ULK4: variants seen among roughly 807,000 people sequenced by gnomAD.
ULK4 encodes the protein inactive serine/threonine-protein kinase ULK4.
A neutral mutation model predicts 160.6 loss-of-function variants in ULK4; 133 were observed. The ratio of observed to expected loss-of-function variants is 0.83; its 90% CI spans 0.72 to 0.96. The LOEUF is 0.96. Among genes scored for constraint, ULK4 ranks in the 40% least tolerant of loss-of-function variants. ULK4 has a pLI of 0.00. For missense variants in ULK4, 1,580 were observed against 1,499.5 expected, an observed-to-expected ratio of 1.05 and a Z score of -0.89; for synonymous variants, 534 against 539.8, an observed-to-expected ratio of 0.99 and a Z score of 0.15.
intron 30 of ULK4, among the ~76,000 whole-genome samples, chr3:41,634,344 C>T (rs2033867650): frequency 1.3e-5 from 2 of 152,166 alleles, no homozygotes; most frequent in South Asian, 2.1e-4. Context: ...CTGAAGCATC[C>T]CCTAGTTCTT....
intron 31 of ULK4, among the ~76,000 whole-genome samples, chr3:41,570,309 G>T (rs2087926791): frequency 1.3e-5 from 2 of 152,180 alleles, no homozygotes; most frequent in Admixed American, 6.5e-5. Flanking sequence ...GAACGTTAAT[G>T]TTTTAATGTT....
intron 31 of ULK4, among the ~76,000 whole-genome samples, chr3:41,613,517 A>G (rs1333008614): frequency 1.6e-5 from 1 of 63,590 alleles, no homozygotes. Context: ...TTAAAATCTG[A>G]AAAAAAAAAA....
intron 35 of ULK4, among the ~76,000 whole-genome samples, chr3:41,336,719 A>T (rs2080565486): frequency 6.6e-6 from 1 of 152,176 alleles, no homozygotes; most frequent in African/African-American, 2.4e-5. Flanking sequence ...CATTTCCACA[A>T]AGCCTGGGAT....
intron 34 of ULK4, among the ~76,000 whole-genome samples, chr3:41,411,070 A>G (rs992533359): frequency 2.0e-5 from 3 of 152,250 alleles, no homozygotes; most frequent in Non-Finnish European, 4.4e-5. Flanking sequence ...ACACAAGATC[A>G]TCTCAATAGA....
chr3:41,643,127 C>T (rs1437312428), intron 30 of ULK4, among the ~76,000 whole-genome samples: 3 of 152,026 alleles, frequency 2.0e-5, no homozygotes, highest in East Asian at 3.9e-4. Flanking sequence ...AAAATTTTCT[C>T]CCATTTTGTA....
chr3:41,854,796 T>C lies in ULK4; in HGVS notation c.1657-18825A>G, dbSNP rs2125676897. The C allele has an allele frequency of 2.0e-5, 3 of 152,074 alleles. No homozygotes were observed. The Middle Eastern group carries it at 0.01, about 517-fold the overall frequency. The allele number at this position is 152,074 out of a possible 1,614,324, so 9.4% of individuals were successfully genotyped here. A position where few individuals can be genotyped will look rare whatever the true frequency, so the allele number is the denominator to read the frequency against. ...CAGGGAGTCTTCAGCATTTATCATG[T>C]GACTGAGCACTGAAGAAATGGAATT... On this transcript the variant is annotated intron_variant, in intron 17 of 36. Transcript: ENST00000301831.
At chr3:41,961,990 C>G (rs998152036) in intron 1 of ULK4, 26 bp downstream of exon 1, 2 of 152,456 alleles carry the variant, frequency 1.3e-5, no homozygotes. Flanking sequence ...AGACTCGTAG[C>G]TACTAAAACC....
rs1469896249 is a variant in ULK4, at chr3:41,623,240, C to T, written c.3072-7523G>A. Among the ~76,000 whole-genome samples the T allele has an allele frequency of 1.3e-5, 2 of 152,042 alleles. 1 individual carries two copies. Among genetic ancestry groups the T allele is most frequent in the Middle Eastern group, 6.3e-3 (2 of 316 alleles). On this transcript the variant is annotated intron_variant, in intron 30 of 36. Coordinates refer to ENST00000301831, the MANE Select transcript of ULK4 (RefSeq NM_017886.4). ...GAAAGGGAATTTTAACATCTGGCCT[C>T]CCAGGAGCTTATTTGTCTATGATAA...
At chr3:41,674,985 T>A (rs1243463968) in intron 29 of ULK4, among the ~76,000 whole-genome samples, 1 of 152,194 alleles carries the variant, frequency 6.6e-6, no homozygotes, top group Non-Finnish European at 1.5e-5. Flanking sequence ...CTCACGCCTG[T>A]AATCTCAGCA....
At chr3:41,370,471 G>A (rs1387579393) in intron 35 of ULK4, among the ~76,000 whole-genome samples, 1 of 152,172 alleles carries the variant, frequency 6.6e-6, no homozygotes, top group Admixed American at 6.6e-5. Context: ...CACTGGGACT[G>A]GTTAACTGGT....
Position 41,795,265 on chromosome 3 carries a change from AT to A in ULK4, c.2010+4866del, listed in dbSNP as rs537435729. ...TAAATCTATTAACCGTGCAGGTGCA[AT>A]TTTTTTTGTTAAGATTATGATGTTA... On this transcript the variant is annotated intron_variant, in intron 20 of 36. Coordinates refer to ENST00000301831, the MANE Select transcript of ULK4 (RefSeq NM_017886.4). Among the ~76,000 whole-genome samples, 19 of 152,042 alleles carry A rather than the reference AT, an allele frequency of 1.2e-4. No individual in the cohort carries two copies. The East Asian group carries it at 1.7e-3, about 14-fold the overall frequency.
intron 35 of ULK4, among the ~76,000 whole-genome samples, chr3:41,281,347 A>C (rs996681162): frequency 6.6e-6 from 1 of 152,174 alleles, no homozygotes; most frequent in African/African-American, 2.4e-5. Context: ...GAGACACACA[A>C]AAAAAGAAAA....
chr3:41,289,412 C>T (rs140202581), intron 35 of ULK4, among the ~76,000 whole-genome samples: 2 of 152,326 alleles, frequency 1.3e-5, no homozygotes, highest in South Asian at 2.1e-4. Context: ...CAATCAACTG[C>T]AGCCACTGAC....
At chr3:41,614,943 G>C (rs2032887412) in intron 31 of ULK4, among the ~76,000 whole-genome samples, 1 of 152,140 alleles carries the variant, frequency 6.6e-6, no homozygotes, top group African/African-American at 2.4e-5. Context: ...GAGCTAGGGA[G>C]GTAAAGTACT....
chr3:41,785,030 C>T (rs532304907), intron 21 of ULK4, among the ~76,000 whole-genome samples: 55 of 152,210 alleles, frequency 3.6e-4, no homozygotes, highest in African/African-American at 1.3e-3. Context: ...AAATGGTACC[C>T]ACATAATCTA....
chr3:41,609,039 T>C (rs1305178937), intron 31 of ULK4, among the ~76,000 whole-genome samples: 2 of 152,172 alleles, frequency 1.3e-5, no homozygotes, highest in Non-Finnish European at 2.9e-5. Flanking sequence ...GTAACAAGAA[T>C]GATGATAAAA....
At chr3:41,569,882 G>C (rs1393929212) in intron 31 of ULK4, among the ~76,000 whole-genome samples, 1 of 151,984 alleles carries the variant, frequency 6.6e-6, no homozygotes, top group African/African-American at 2.4e-5. Flanking sequence ...CGCCTGCTTG[G>C]AAAATGACAC....
intron 33 of ULK4, among the ~76,000 whole-genome samples, chr3:41,458,591 C>T (rs1225431534): frequency 6.6e-6 from 1 of 151,860 alleles, no homozygotes; most frequent in Non-Finnish European, 1.5e-5. Flanking sequence ...AATACAGCTT[C>T]TTAGTATTAA....
At chr3:41,290,840 A>G (rs896720561) in intron 35 of ULK4, among the ~76,000 whole-genome samples, 1 of 152,198 alleles carries the variant, frequency 6.6e-6, no homozygotes, top group Non-Finnish European at 1.5e-5. Context: ...CCTGAAAACT[A>G]TAATTCCCTG....
Sources: gnomAD v4.1 joint callset for allele counts (sites outside exome capture counted in the v4.1 genomes callset) on GRCh38, gnomAD v4.1.1 for gene constraint, MANE v1.5 for transcripts, NCBI Gene and HGNC (gene_info 2026-07-23, HGNC 2026-07-21) for gene names.